Variants in SEMA6D observed in about 807,000 individuals in gnomAD.
SEMA6D encodes semaphorin-6D.
In SEMA6D, 35 loss-of-function variants were observed where a neutral mutation model predicts 106.6. The ratio of observed to expected loss-of-function variants is 0.33; its 90% CI spans 0.25 to 0.44. SEMA6D has a LOEUF of 0.44. Among genes scored for constraint, SEMA6D ranks in the 20% least tolerant of loss-of-function variants. The pLI, the probability that SEMA6D is intolerant of heterozygous loss-of-function variation, is 1.00. For synonymous variants in SEMA6D, 499 were observed against 487.7 expected, an observed-to-expected ratio of 1.02 and a Z score of -0.31; for missense variants, 1,185 against 1,345.9, an observed-to-expected ratio of 0.88 and a Z score of 1.87.
chr15:47,312,335 A>C (rs558425221), intron 1 of SEMA6D, among the ~76,000 whole-genome samples: 1 of 152,162 alleles, frequency 6.6e-6, no homozygotes, highest in East Asian at 1.9e-4. Context: ...TGTGTATTCC[A>C]CTGCATATAT....
chr15:47,406,563 A>G (rs1411396928), intron 1 of SEMA6D, among the ~76,000 whole-genome samples: 1 of 152,138 alleles, frequency 6.6e-6, no homozygotes, highest in Non-Finnish European at 1.5e-5. Context: ...GACTTCTAAA[A>G]ATAAGTCAAT....
Position 47,253,452 on chromosome 15 carries a change from G to A in SEMA6D, c.-239+69034G>A, listed in dbSNP as rs559714905. Among the ~76,000 whole-genome samples, 10 of 152,156 alleles carry A rather than the reference G, an allele frequency of 6.6e-5. No homozygotes were observed. In the South Asian group the frequency reaches 1.2e-3, roughly 19 times the overall value. On this transcript the variant is annotated intron_variant, in intron 1 of 19. Coordinates refer to the SEMA6D transcript ENST00000558014. The stretch of plus-strand genomic sequence containing the variant: ...CTCACCCAAGGAAATGCCATGAAGC[G>A]TTTCCCAAGTGTTTTCTTTCAGTAG...
intron 4 of SEMA6D, among the ~76,000 whole-genome samples, chr15:47,625,587 T>C (rs2077187990): frequency 6.6e-6 from 1 of 151,840 alleles, no homozygotes; most frequent in Non-Finnish European, 1.5e-5. Context: ...AAAAAAAAAT[T>C]AGCCAGGCAT....
intron 2 of SEMA6D, among the ~76,000 whole-genome samples, chr15:47,465,657 C>T (rs2042635879): frequency 6.6e-6 from 1 of 152,092 alleles, no homozygotes; most frequent in Non-Finnish European, 1.5e-5. Context: ...AAGTGCATAG[C>T]ACCTCCTCCT....
In SEMA6D at chr15:47,661,246, G is replaced by A. The variant is rs367816994; in HGVS notation, c.-55+60350G>A. Among the ~76,000 whole-genome samples, 247 of 152,310 alleles carry A rather than the reference G, an allele frequency of 1.6e-3. 1 individual carries two copies. Among genetic ancestry groups the A allele is most frequent in the African/African-American group, 5.7e-3 (239 of 41,566 alleles). On this transcript the variant is annotated intron_variant, in intron 4 of 19. Transcript: ENST00000558014. ...CTTGACTCTATTTGGTTTTGAGGTAGCCTGTTGTAAATGCCTCCTTTTACA... is the reference window on the plus strand; with the variant it reads ...CTTGACTCTATTTGGTTTTGAGGTAACCTGTTGTAAATGCCTCCTTTTACA...
chr15:47,276,557 C>T (rs1167349795), intron 1 of SEMA6D, among the ~76,000 whole-genome samples: 3 of 152,144 alleles, frequency 2.0e-5, no homozygotes, highest in Admixed American at 2.0e-4. Context: ...GATGACACTA[C>T]ATCTGTTTAC....
At chr15:47,671,481 TCAGA>T (rs1460868525) in intron 4 of SEMA6D, among the ~76,000 whole-genome samples, 1 of 152,010 alleles carries the variant, frequency 6.6e-6, no homozygotes, top group Non-Finnish European at 1.5e-5. Flanking sequence ...TAGACAAACA[TCAGA>T]CAAAGGAAAA....
intron 3 of SEMA6D, among the ~76,000 whole-genome samples, chr15:47,521,808 A>G (rs1332920478): frequency 6.6e-6 from 1 of 152,042 alleles, no homozygotes; most frequent in Non-Finnish European, 1.5e-5. Context: ...ACACGGTGAA[A>G]CCCCGTCTCT....
chr15:47,532,534 A>C (rs1271315330), intron 3 of SEMA6D, among the ~76,000 whole-genome samples: 4 of 152,162 alleles, frequency 2.6e-5, no homozygotes, highest in African/African-American at 9.7e-5. Context: ...TATGGCACTG[A>C]TTCTGGCTCC....
At chr15:47,415,665 A>G (rs985556481) in intron 2 of SEMA6D, among the ~76,000 whole-genome samples, 1 of 152,028 alleles carries the variant, frequency 6.6e-6, no homozygotes, top group African/African-American at 2.4e-5. Context: ...ATATACCCCC[A>G]TAGCCCTGAG....
At chr15:47,762,071 G>A (rs1168006043) in intron 7 of SEMA6D, 129 bp from the exon 8 acceptor site, 12 of 999,476 alleles carry the variant, frequency 1.2e-5, no homozygotes, top group East Asian at 7.4e-5. Flanking sequence ...TGAGAATCAG[G>A]TGTAGCCCTA....
In SEMA6D at chr15:47,645,556, T is replaced by TCTGACA. The variant is rs529627472; in HGVS notation, c.-55+44662_-55+44667dup. Among the ~76,000 whole-genome samples, 336 of 152,044 alleles carry TCTGACA rather than the reference T, an allele frequency of 2.2e-3. 1 individual carries two copies. The highest frequency in any genetic ancestry group is 7.7e-3 in the African/African-American group (320 of 41,470). ...CACTTACACAACTCAACACAACACT[T>TCTGACA]CTGACACCAAATGTGTGGGGGTTTT... On this transcript the variant is annotated intron_variant, in intron 4 of 19. Coordinates refer to the SEMA6D transcript ENST00000558014.
chr15:47,329,612 G>A (rs1353657676), intron 1 of SEMA6D, among the ~76,000 whole-genome samples: 1 of 152,078 alleles, frequency 6.6e-6, no homozygotes, highest in African/African-American at 2.4e-5. Context: ...TTTAGTTCTT[G>A]CGTTTTCCTT....
At chr15:47,697,160 T>A (rs533201783) in intron 4 of SEMA6D, among the ~76,000 whole-genome samples, 42 of 152,168 alleles carry the variant, frequency 2.8e-4, no homozygotes, top group Admixed American at 6.5e-4. Context: ...TCAGCTGCAT[T>A]TCCCTTCAGT....
intron 1 of SEMA6D, chr15:47,241,382 C>G (rs1357564585): frequency 6.6e-6 from 1 of 152,128 alleles, no homozygotes; most frequent in Non-Finnish European, 1.5e-5. Context: ...TAAGTGGTCA[C>G]CACCTATGTG....
At chr15:47,389,871 T>C (rs1003923510) in intron 1 of SEMA6D, among the ~76,000 whole-genome samples, 2 of 152,192 alleles carry the variant, frequency 1.3e-5, no homozygotes, top group Non-Finnish European at 2.9e-5. Context: ...TTGCCACTTT[T>C]CTATCCAAAA....
At chr15:47,356,390 A>T (rs964886506) in intron 1 of SEMA6D, among the ~76,000 whole-genome samples, 3 of 152,216 alleles carry the variant, frequency 2.0e-5, no homozygotes, top group African/African-American at 7.2e-5. Context: ...AAACATGAGA[A>T]GTGCCCCACA....
chr15:47,508,479 C>T (rs766153775), intron 3 of SEMA6D, among the ~76,000 whole-genome samples: 7 of 152,192 alleles, frequency 4.6e-5, no homozygotes, highest in East Asian at 3.9e-4. Flanking sequence ...AACCCTGTGT[C>T]CTGCCCACAT....
At chr15:47,641,145 G>A (rs1274697915) in intron 4 of SEMA6D, among the ~76,000 whole-genome samples, 2 of 152,254 alleles carry the variant, frequency 1.3e-5, no homozygotes, top group Middle Eastern at 3.4e-3. Flanking sequence ...CATTCCTCTC[G>A]CATCCCCTTC....
Sources: allele counts gnomAD v4.1 joint callset (sites outside exome capture counted in the v4.1 genomes callset), GRCh38; gene constraint gnomAD v4.1.1; transcripts MANE v1.5; gene names NCBI Gene and HGNC (gene_info 2026-07-23, HGNC 2026-07-21).